The following MTOR variants were observed in gnomAD, a reference collection of about 807,000 sequenced individuals.
MTOR encodes mechanistic target of rapamycin kinase, also known as serine/threonine-protein kinase mTOR.
MTOR carries 70 observed loss-of-function variants against 319.8 expected under a neutral mutation model. The ratio of observed to expected loss-of-function variants is 0.22; its 90% CI spans 0.18 to 0.27. The LOEUF (loss-of-function observed/expected upper bound fraction) is 0.27. MTOR is among the 10% of genes least tolerant of loss of function. The pLI, the probability that MTOR is intolerant of heterozygous loss-of-function variation, is 1.00. For synonymous variants in MTOR, 1,183 were observed against 1,211.4 expected (o/e 0.98, Z 0.49); for missense variants, 1,890 against 3,274.4 (o/e 0.58, Z 10.32).
At position 11,114,459 on chromosome 1, in the gene MTOR, A is replaced by T. The variant is rs556496760; in HGVS notation, c.7165-6T>A. ...TTGCCATCCAGGCCTGTAACCTAGA[A>T]ATGGGACAGAGCCACTCACCACAGG... On this transcript the variant is annotated splice_region_variant and splice_polypyrimidine_tract_variant and intron_variant, in intron 52 of 57. Coordinates refer to ENST00000361445, the MANE Select transcript of MTOR (RefSeq NM_004958.4). 1.9e-5 allele frequency: 31 copies of T among 1,614,134 alleles called. No individual in the cohort carries two copies. In the East Asian group the frequency reaches 6.2e-4, roughly 32 times the overall value.
Position 11,106,823 on chromosome 1 carries a change from C to T in MTOR, c.*662G>A. 6 of 1,303,326 alleles carry T rather than the reference C, an allele frequency of 4.6e-6. No homozygotes were observed. The highest frequency in any genetic ancestry group is 1.5e-5 in the African/African-American group (1 of 68,176). 80.7% of individuals were successfully genotyped at this position (1,303,326 alleles called of 1,614,324 possible). On this transcript the variant is annotated 3_prime_UTR_variant, in exon 58 of 58. Coordinates refer to ENST00000361445, the MANE Select transcript of MTOR (RefSeq NM_004958.4). ...CTGCACAGTGATCCCCTCTGTGCAT[C>T]TGCTCAGCCGAGGCTGCCAGCGATC...
chr1:11,251,302 A>G (rs1649639521), intron 6 of MTOR, among the ~76,000 whole-genome samples: 1 of 152,168 alleles, frequency 6.6e-6, no homozygotes, highest in South Asian at 2.1e-4. Flanking sequence ...CTCAGGGACC[A>G]CTGCCTAGAA....
At chr1:11,208,787 G>A (rs146225462) in intron 25 of MTOR, among the ~76,000 whole-genome samples, 1 of 152,270 alleles carries the variant, frequency 6.6e-6, no homozygotes, top group East Asian at 1.9e-4. Context: ...GTAATCACTT[G>A]GAAACATCTA....
At chr1:11,153,464 G>C (rs781626843) in intron 30 of MTOR, among the ~76,000 whole-genome samples, 9 of 152,236 alleles carry the variant, frequency 5.9e-5, no homozygotes, top group Non-Finnish European at 1.2e-4. Flanking sequence ...AAACATTGCA[G>C]TATTTTAGGA....
intron 28 of MTOR, chr1:11,195,274 C>A: frequency 2.4e-6 from 1 of 412,596 alleles, no homozygotes; most frequent in Non-Finnish European, 4.3e-6. Context: ...TGAGTGGGGT[C>A]TCTCTGCCCA....
rs192998719 is a variant in MTOR, at chr1:11,204,544, G to T, written c.3944+17C>A. The T allele has an allele frequency of 6.2e-7, 1 of 1,605,516 alleles. No individual in the cohort carries two copies. The highest frequency in any genetic ancestry group is 2.2e-5 in the East Asian group (1 of 44,752). ...TTCTATGTGCTGATCTTCTCCACCC[G>T]CCCTGACACACTATACCTGGCCATC... On this transcript the variant is annotated intron_variant, in intron 26 of 57. Transcript: ENST00000361445.
At chr1:11,255,742 G>A (rs947813153) in intron 5 of MTOR, among the ~76,000 whole-genome samples, 2 of 151,948 alleles carry the variant, frequency 1.3e-5, no homozygotes, top group Non-Finnish European at 1.5e-5. Context: ...CTATTCGGGA[G>A]GCTAAGGTGG....
chr1:11,259,649 C>T (rs894640729), intron 1 of MTOR, among the ~76,000 whole-genome samples: 7 of 152,106 alleles, frequency 4.6e-5, no homozygotes, highest in African/African-American at 1.7e-4. Context: ...TGTGGGCTAT[C>T]GGCCTAGCCT....
At chr1:11,126,498 T>C (rs916726396) in intron 46 of MTOR, 124 bp downstream of exon 46, 11 of 1,099,450 alleles carry the variant, frequency 1.0e-5, no homozygotes, top group Non-Finnish European at 1.4e-5. Context: ...TCAATGAGCA[T>C]GGGAGAGATG....
intron 30 of MTOR, among the ~76,000 whole-genome samples, chr1:11,153,890 G>A (rs1644229655): frequency 6.6e-6 from 1 of 151,412 alleles, no homozygotes; most frequent in African/African-American, 2.4e-5. Flanking sequence ...CCAACATGGC[G>A]AAACCCCATC....
chr1:11,110,109 A>C (rs1159406700), intron 54 of MTOR, among the ~76,000 whole-genome samples: 1 of 152,222 alleles, frequency 6.6e-6, no homozygotes, highest in African/African-American at 2.4e-5. Context: ...GGCAAATTGC[A>C]TTAACAAAAT....
chr1:11,167,346 A>G (rs1644679528), intron 29 of MTOR, 96 bp downstream of exon 29: 1 of 958,106 alleles, frequency 1.0e-6, no homozygotes, highest in Non-Finnish European at 1.7e-6. Flanking sequence ...ATTGGAGAAA[A>G]AACAGAAAAG....
At chr1:11,223,428 A>G (rs1646732404) in intron 19 of MTOR, among the ~76,000 whole-genome samples, 1 of 152,166 alleles carries the variant, frequency 6.6e-6, no homozygotes, top group Admixed American at 6.5e-5. Flanking sequence ...TGATACCTGT[A>G]ATTTGCTTTA....
intron 25 of MTOR, among the ~76,000 whole-genome samples, chr1:11,206,286 A>G (rs138346440): frequency 2.7e-4 from 41 of 152,348 alleles, no homozygotes; most frequent in African/African-American, 8.9e-4. Flanking sequence ...AAGTATTACT[A>G]GTTTCTTTTT....
At chr1:11,192,312 G>T (rs28991002) in intron 28 of MTOR, 1 of 1,613,956 alleles carries the variant, frequency 6.2e-7, no homozygotes, top group Non-Finnish European at 8.5e-7. Context: ...AAGAACTACC[G>T]CATCTCTGGA....
intron 47 of MTOR, among the ~76,000 whole-genome samples, chr1:11,123,960 G>A (rs1316193705): frequency 6.6e-6 from 1 of 152,064 alleles, no homozygotes; most frequent in Non-Finnish European, 1.5e-5. Flanking sequence ...GCTAATTTTT[G>A]TATTTTTAGT....
At chr1:11,119,526 G>A (rs899729170) in intron 49 of MTOR, among the ~76,000 whole-genome samples, 3 of 143,796 alleles carry the variant, frequency 2.1e-5, no homozygotes, top group South Asian at 2.3e-4. Flanking sequence ...AGCCGAGATC[G>A]CGCCACTGCA....
intron 18 of MTOR, among the ~76,000 whole-genome samples, chr1:11,230,216 T>G: frequency 6.7e-6 from 1 of 150,088 alleles, no homozygotes; most frequent in Non-Finnish European, 1.5e-5. Context: ...AGGTCAGGAG[T>G]TTGAGAACAG....
At chr1:11,190,348 A>C (rs989497733) in intron 28 of MTOR, among the ~76,000 whole-genome samples, 2 of 152,226 alleles carry the variant, frequency 1.3e-5, no homozygotes, top group Admixed American at 6.5e-5. Flanking sequence ...GTTCCTCTGG[A>C]AGCAAAGTTT....
Sources: allele counts gnomAD v4.1 joint callset (sites outside exome capture counted in the v4.1 genomes callset), GRCh38; gene constraint gnomAD v4.1.1; transcripts MANE v1.5; gene names NCBI Gene and HGNC (gene_info 2026-07-23, HGNC 2026-07-21).